SLC4A8: variants seen among roughly 807,000 people sequenced by gnomAD.
The protein encoded by SLC4A8 is electroneutral sodium bicarbonate exchanger 1.
In SLC4A8, 40 loss-of-function variants were observed where a neutral mutation model predicts 125.0. That is an observed-to-expected ratio of 0.32 (90% CI 0.25 to 0.42). The LOEUF (loss-of-function observed/expected upper bound fraction) is 0.42. Among genes scored for constraint, SLC4A8 ranks in the 10% least tolerant of loss-of-function variants. The pLI, the probability that SLC4A8 is intolerant of heterozygous loss-of-function variation, is 1.00. For synonymous variants in SLC4A8, 456 were observed against 476.0 expected (o/e 0.96, Z 0.55); for missense variants, 863 against 1,355.1 (o/e 0.64, Z 5.70).
At chr12:51,454,074 A>G (rs1381215571) in intron 5 of SLC4A8, among the ~76,000 whole-genome samples, 1 of 152,218 alleles carries the variant, frequency 6.6e-6, no homozygotes, top group Non-Finnish European at 1.5e-5. Context: ...AGGTGGGTGG[A>G]TAACTTGAGC....
intron 1 of SLC4A8, among the ~76,000 whole-genome samples, chr12:51,396,010 C>T (rs945468040): frequency 1.3e-5 from 2 of 152,240 alleles, no homozygotes; most frequent in African/African-American, 4.8e-5. Context: ...AGCAGAGCTG[C>T]TCCTAGTTCT....
At chr12:51,484,156 A>G (rs1380747471) in intron 16 of SLC4A8, among the ~76,000 whole-genome samples, 1 of 152,226 alleles carries the variant, frequency 6.6e-6, no homozygotes, top group East Asian at 1.9e-4. Flanking sequence ...GTACACCCAT[A>G]TATGACTAGA....
At position 51,475,222 on chromosome 12, in the gene SLC4A8, A is replaced by G; in HGVS notation, c.2172+16A>G. The G allele has an allele frequency of 6.2e-7, 1 of 1,612,598 alleles. No individual in the cohort carries two copies. Among genetic ancestry groups the G allele is most frequent in the South Asian group, 1.1e-5 (1 of 90,978 alleles). On this transcript the variant is annotated intron_variant, in intron 16 of 24. Transcript: ENST00000453097. ...CCCAACCAGAGTAGGTAGCATGTTC[A>G]TGCATTTCTTTCACGTTAGAATCAA...
chr12:51,422,373 A>G (rs1948808862), upstream of SLC4A8, among the ~76,000 whole-genome samples: 1 of 152,002 alleles, frequency 6.6e-6, no homozygotes. Flanking sequence ...TATTTTATTT[A>G]TTTTTTATTT....
chr12:51,392,381 G>A (rs1948140689), intron 1 of SLC4A8, among the ~76,000 whole-genome samples: 1 of 151,816 alleles, frequency 6.6e-6, no homozygotes, highest in Non-Finnish European at 1.5e-5. Context: ...AGACCAGCCT[G>A]GCCAACATGG....
At chr12:51,433,046 C>T (rs1052354381) in intron 1 of SLC4A8, among the ~76,000 whole-genome samples, 2 of 152,138 alleles carry the variant, frequency 1.3e-5, no homozygotes, top group African/African-American at 4.8e-5. Context: ...GGGCTCTGCT[C>T]CCCACCTTCC....
intron 1 of SLC4A8, among the ~76,000 whole-genome samples, chr12:51,432,616 G>A (rs1453741221): frequency 1.3e-5 from 2 of 151,796 alleles, no homozygotes; most frequent in Admixed American, 6.6e-5. Context: ...CCAGCTACTC[G>A]GCAGGCTGAA....
At chr12:51,408,456 C>T (rs796398908) in intron 1 of SLC4A8, among the ~76,000 whole-genome samples, 59 of 152,112 alleles carry the variant, frequency 3.9e-4, no homozygotes, top group African/African-American at 1.2e-3. Context: ...AGGCTGGTCT[C>T]GAACTCCAGA....
At chr12:51,474,489 A>G (rs1258282609) in intron 15 of SLC4A8, 42 bp downstream of exon 15, 2 of 1,583,794 alleles carry the variant, frequency 1.3e-6, no homozygotes, top group African/African-American at 1.3e-5. Flanking sequence ...TTGTGACCAC[A>G]GGTTTAGGAG....
intron 16 of SLC4A8, among the ~76,000 whole-genome samples, chr12:51,482,838 A>C (rs1159190317): frequency 1.3e-5 from 2 of 152,204 alleles, no homozygotes; most frequent in Non-Finnish European, 2.9e-5. Context: ...TGTGGCACAG[A>C]ACACCTCCCA....
upstream of SLC4A8, among the ~76,000 whole-genome samples, chr12:51,424,037 C>CAAAAAAAAAAAAAA (rs35611847): frequency 3.4e-4 from 13 of 37,998 alleles, no homozygotes; most frequent in Admixed American, 4.2e-4. Context: ...ACTTCGTCTC[C>CAAAAAAAAAAAAAA]AAAAAAAAAA....
intron 1 of SLC4A8, among the ~76,000 whole-genome samples, chr12:51,404,277 A>G (rs1177957488): frequency 6.6e-6 from 1 of 152,210 alleles, no homozygotes; most frequent in Non-Finnish European, 1.5e-5. Context: ...GAGGTTGACT[A>G]TGTACAAGGA....
intron 14 of SLC4A8, 164 bp downstream of exon 14, chr12:51,471,696 G>T: frequency 1.4e-6 from 1 of 711,362 alleles, no homozygotes; most frequent in Non-Finnish European, 2.3e-6. Context: ...GCTGCCAGAG[G>T]AGAACAATCA....
chr12:51,455,943 A>C (rs1021285683), intron 5 of SLC4A8, among the ~76,000 whole-genome samples: 1 of 152,188 alleles, frequency 6.6e-6, no homozygotes, highest in Non-Finnish European at 1.5e-5. Flanking sequence ...CCTGGGAGCT[A>C]TTGAAGCTGT....
At chr12:51,410,838 T>A (rs891713446) in intron 1 of SLC4A8, among the ~76,000 whole-genome samples, 1 of 151,628 alleles carries the variant, frequency 6.6e-6, no homozygotes, top group African/African-American at 2.4e-5. Context: ...GGATTTCCTA[T>A]CTCTTCGAAC....
At chr12:51,480,921 C>A (rs1489771743) in intron 16 of SLC4A8, among the ~76,000 whole-genome samples, 1 of 152,216 alleles carries the variant, frequency 6.6e-6, no homozygotes, top group Non-Finnish European at 1.5e-5. Context: ...TTTACCTGAA[C>A]TGCCTTACCT....
rs532563999 is a variant in SLC4A8, at chr12:51,510,153, G to T, written c.*2715G>T. On this transcript the variant is annotated 3_prime_UTR_variant, in exon 25 of 25. Coordinates refer to ENST00000453097, the MANE Select transcript of SLC4A8 (RefSeq NM_001039960.3). Reference sequence around the variant, plus strand: ...GCAGGATAAAACTTCCCGGCCGGGCGCAATGGCTCGCGCCTGTAATCCCAG... The same window carrying T: ...GCAGGATAAAACTTCCCGGCCGGGCTCAATGGCTCGCGCCTGTAATCCCAG... 4 of 152,260 alleles carry T rather than the reference G, an allele frequency of 2.6e-5. No homozygotes were observed. The highest frequency in any genetic ancestry group is 4.8e-5 in the African/African-American group (2 of 41,444). 9.4% of individuals were successfully genotyped at this position (152,260 alleles called of 1,614,324 possible). A position where few individuals can be genotyped will look rare whatever the true frequency, so the allele number is the denominator to read the frequency against.
At chr12:51,456,162 A>G (rs1950145204) in intron 5 of SLC4A8, among the ~76,000 whole-genome samples, 1 of 150,908 alleles carries the variant, frequency 6.6e-6, no homozygotes, top group East Asian at 1.9e-4. Context: ...TCTTCTGATA[A>G]CTTTAAGTGA....
intron 16 of SLC4A8, among the ~76,000 whole-genome samples, chr12:51,478,405 C>G (rs1950919773): frequency 6.6e-6 from 1 of 152,010 alleles, no homozygotes; most frequent in African/African-American, 2.4e-5. Flanking sequence ...CTCTACTGCA[C>G]TCCAGCCTGG....
Sources: allele counts gnomAD v4.1 joint callset (sites outside exome capture counted in the v4.1 genomes callset), GRCh38; gene constraint gnomAD v4.1.1; transcripts MANE v1.5; gene names NCBI Gene and HGNC (gene_info 2026-07-23, HGNC 2026-07-21).